The following NRCAM variants were observed in gnomAD, a reference collection of about 807,000 sequenced individuals.
NRCAM encodes the protein NgCAM-related cell adhesion molecule.
Under a neutral mutation model 156.5 loss-of-function variants are expected in NRCAM, and 83 were observed. The ratio of observed to expected loss-of-function variants is 0.53; its 90% confidence interval spans 0.44 to 0.64. The LOEUF (loss-of-function observed/expected upper bound fraction) is 0.64, where lower values mean the gene tolerates loss of function less well. Among genes scored for constraint, NRCAM ranks in the 30% least tolerant of loss-of-function variants. The pLI, the probability that NRCAM is intolerant of heterozygous loss-of-function variation, is 0.00. For missense variants in NRCAM, 1,417 were observed against 1,597.3 expected (o/e 0.89, Z 1.92); for synonymous variants, 538 against 563.9 (o/e 0.95, Z 0.65).
intron 2 of NRCAM, among the ~76,000 whole-genome samples, chr7:108,376,814 A>G (rs1244935252): frequency 2.0e-5 from 3 of 152,184 alleles, no homozygotes; most frequent in Admixed American, 1.3e-4. Flanking sequence ...TCTTTCCAAA[A>G]TAATGTTTAC....
At chr7:108,160,146 A>G (rs1470370039) in intron 31 of NRCAM, among the ~76,000 whole-genome samples, 1 of 152,196 alleles carries the variant, frequency 6.6e-6, no homozygotes, top group African/African-American at 2.4e-5. Flanking sequence ...TTTTCAGAGA[A>G]CTGATTGATT....
intron 30 of NRCAM, among the ~76,000 whole-genome samples, chr7:108,161,705 C>A (rs1032368851): frequency 6.6e-6 from 1 of 152,066 alleles, no homozygotes; most frequent in Non-Finnish European, 1.5e-5. Flanking sequence ...AAAATAGCAT[C>A]TCATTGCCTC....
At chr7:108,178,534 CCAAA>C (rs2061863228) in intron 25 of NRCAM, 1 of 201,676 alleles carries the variant, frequency 5.0e-6, no homozygotes, top group African/African-American at 2.4e-5. Flanking sequence ...CCAGGTGTCT[CCAAA>C]CAGTCAGAAT....
chr7:108,430,369 C>A (rs990102647), intron 1 of NRCAM, among the ~76,000 whole-genome samples: 9 of 152,034 alleles, frequency 5.9e-5, no homozygotes, highest in Non-Finnish European at 1.2e-4. Flanking sequence ...CGGGATAGAA[C>A]TAGTGGTGAT....
chr7:108,372,190 T>C (rs547153397), intron 2 of NRCAM, among the ~76,000 whole-genome samples: 1 of 152,188 alleles, frequency 6.6e-6, no homozygotes, highest in Non-Finnish European at 1.5e-5. Context: ...TTTCTGATCT[T>C]ATGCACACAA....
intron 3 of NRCAM, among the ~76,000 whole-genome samples, chr7:108,254,161 C>T (rs917667475): frequency 4.6e-5 from 7 of 152,140 alleles, no homozygotes; most frequent in Admixed American, 2.0e-4. Flanking sequence ...AAAACAGTTG[C>T]TCTTCAAAAG....
chr7:108,195,876 C>T lies in NRCAM; in HGVS notation c.1352-4G>A, dbSNP rs2074747963. The T allele has an allele frequency of 2.6e-6, 4 of 1,567,154 alleles. No individual in the cohort carries two copies. Among genetic ancestry groups the T allele is most frequent in the Non-Finnish European group, 3.5e-6 (4 of 1,138,620 alleles). On this transcript the variant is annotated splice_region_variant and splice_polypyrimidine_tract_variant and intron_variant, in intron 14 of 32. Coordinates refer to ENST00000379028, the MANE Select transcript of NRCAM (RefSeq NM_001037132.4). The stretch of plus-strand genomic sequence containing the variant: ...GTGAGGATTCGTGGTGGCTCAGCTA[C>T]AAATATTTTTAAAAGGTAAAGTAAA...
intron 1 of NRCAM, among the ~76,000 whole-genome samples, chr7:108,447,960 C>T (rs1221317941): frequency 3.3e-5 from 5 of 152,142 alleles, no homozygotes; most frequent in African/African-American, 4.8e-5. Context: ...TAAGCTATTA[C>T]CTTTAGAGGT....
intron 1 of NRCAM, among the ~76,000 whole-genome samples, chr7:108,409,897 T>C (rs2154409666): frequency 6.6e-6 from 1 of 152,324 alleles, no homozygotes; most frequent in Middle Eastern, 3.4e-3. Flanking sequence ...TAAATAAAAA[T>C]TGTTTTGCAT....
chr7:108,279,749 C>T (rs1469622531), intron 3 of NRCAM, among the ~76,000 whole-genome samples: 1 of 150,888 alleles, frequency 6.6e-6, no homozygotes, highest in East Asian at 1.9e-4. Flanking sequence ...CAATTTTTGA[C>T]AGAAGTCTCA....
rs140770274 is a variant in NRCAM, at chr7:108,232,422, C to T, written c.331G>A (p.Glu111Lys). Residue 111 changes from glutamate to lysine, a missense_variant, in exon 7 of 33, where the codon GAA becomes AAA. By Grantham distance (56) the Glu-to-Lys change is moderately conservative. Around this residue, in one of 2 missense-constraint regions of NRCAM, gnomAD observed 1,238 missense variants for 1,336.4 expected, o/e 0.93. Transcript: ENST00000379028. ...TGTLIINIMS[E>K]GKAETYEGVY... is the part of the protein sequence containing the mutation. ...CCTTCATAGGTCTCAGCTTTCCCTT[C>T]GCTCATGATGTTAATTATGAGCGTT... 7.4e-6 allele frequency: 12 copies of T among 1,613,606 alleles called. No homozygotes were observed. The highest frequency in any genetic ancestry group is 4.5e-5 in the East Asian group (2 of 44,874).
chr7:108,194,316 C>A lies in NRCAM; in HGVS notation c.1576G>T (p.Val526Phe), dbSNP rs374383279. 1.7e-5 allele frequency: 27 copies of A among 1,613,678 alleles called. No individual in the cohort carries two copies. In the South Asian group the frequency reaches 3.0e-4, roughly 18 times the overall value. The change falls in exon 16 of 33, where the codon GTT becomes TTT. Residue 526 changes from valine to phenylalanine, a missense_variant. By Grantham distance (50) the Val-to-Phe change is conservative (BLOSUM62 -1). Transcript: ENST00000379028. The stretch of plus-strand genomic sequence containing the variant: ...GCCATCCCTAATTTATTCCTTGCAA[C>A]ACACGTATAAGTTCCTGTACTGTCC... ...QKDSTGTYTCVARNKLGMAKN... is the reference protein window; with the variant it reads ...QKDSTGTYTCFARNKLGMAKN...
intron 1 of NRCAM, among the ~76,000 whole-genome samples, chr7:108,439,798 A>C (rs1304130518): frequency 5.3e-5 from 7 of 130,852 alleles, no homozygotes; most frequent in Non-Finnish European, 1.5e-5. Context: ...GCGCCATTGC[A>C]CTCCAGCCTG....
chr7:108,248,646 G>T (rs2096126248), intron 3 of NRCAM, among the ~76,000 whole-genome samples: 1 of 152,168 alleles, frequency 6.6e-6, no homozygotes, highest in African/African-American at 2.4e-5. Flanking sequence ...CCACCATTTT[G>T]TGATGCTGCC....
At chr7:108,294,889 A>G (rs925436704) in intron 3 of NRCAM, among the ~76,000 whole-genome samples, 6 of 152,112 alleles carry the variant, frequency 3.9e-5, no homozygotes, top group African/African-American at 1.4e-4. Context: ...ATTCTTGTTC[A>G]GTTTCCTGTT....
At chr7:108,361,779 A>G (rs951373051) in intron 2 of NRCAM, among the ~76,000 whole-genome samples, 1 of 152,166 alleles carries the variant, frequency 6.6e-6, no homozygotes, top group African/African-American at 2.4e-5. Flanking sequence ...ATGTAAATGT[A>G]CGTATATATG....
At chr7:108,202,921 G>A (rs892513722) in intron 13 of NRCAM, among the ~76,000 whole-genome samples, 3 of 152,102 alleles carry the variant, frequency 2.0e-5, no homozygotes, top group East Asian at 1.9e-4. Flanking sequence ...TACAACGCAC[G>A]CTGGAAACTA....
At chr7:108,338,392 A>G (rs1563326503) in intron 2 of NRCAM, among the ~76,000 whole-genome samples, 1 of 152,104 alleles carries the variant, frequency 6.6e-6, no homozygotes. Context: ...GAAGCTCTAC[A>G]CTGTATCCTT....
At chr7:108,438,592 C>T (rs187114969) in intron 1 of NRCAM, among the ~76,000 whole-genome samples, 185 of 152,162 alleles carry the variant, frequency 1.2e-3, no homozygotes, top group African/African-American at 4.2e-3. Flanking sequence ...TTGGGAACAA[C>T]GTAAGGATGT....
Sources: allele counts gnomAD v4.1 joint callset (sites outside exome capture counted in the v4.1 genomes callset), GRCh38; gene constraint gnomAD v4.1.1; regional missense constraint gnomAD v4.1.1; transcripts MANE v1.5; gene names NCBI Gene and HGNC (gene_info 2026-07-23, HGNC 2026-07-21).